PIGL: variants seen among roughly 807,000 people sequenced by gnomAD.
PIGL encodes the protein phosphatidylinositol glycan anchor biosynthesis class L.
A neutral mutation model predicts 31.1 loss-of-function variants in PIGL; 22 were observed. The ratio of observed to expected loss-of-function variants is 0.71; its 90% CI spans 0.51 to 1.01. The LOEUF (loss-of-function observed/expected upper bound fraction) is 1.01, where lower values mean the gene tolerates loss of function less well. Ranked by LOEUF, PIGL falls within the 50% of genes least tolerant of loss-of-function variation. The pLI, the probability that PIGL is intolerant of heterozygous loss-of-function variation, is 0.00. For synonymous variants in PIGL, 131 were observed against 117.4 expected (o/e 1.12, Z -0.75); for missense variants, 302 against 315.9 (o/e 0.96, Z 0.33).
At chr17:16,220,984 C>G (rs1039035948) in intron 1 of PIGL, among the ~76,000 whole-genome samples, 2 of 152,106 alleles carry the variant, frequency 1.3e-5, no homozygotes, top group Non-Finnish European at 2.9e-5. Flanking sequence ...AGCCTTTCCC[C>G]TCTAGACTGC....
chr17:16,293,555 C>G (rs1403658773), intron 2 of PIGL, among the ~76,000 whole-genome samples: 2 of 152,188 alleles, frequency 1.3e-5, no homozygotes, highest in African/African-American at 2.4e-5. Flanking sequence ...TGCAATCTTT[C>G]AAACATCTTG....
In PIGL at chr17:16,239,528, G is replaced by A. The variant is rs779826331; in HGVS notation, c.335+5458G>A. ...AAAAAGAAAAAGAAAAGGCAGTAAA[G>A]TTTAGGTGAGCTGTGAACAAATTAG... On this transcript the variant is annotated intron_variant, in intron 2 of 6. Coordinates refer to ENST00000225609, the MANE Select transcript of PIGL (RefSeq NM_004278.4). Among the ~76,000 whole-genome samples the A allele has an allele frequency of 4.3e-4, 65 of 152,016 alleles. 1 individual carries two copies. Among genetic ancestry groups the A allele is most frequent in the Admixed American group, 1.1e-3 (16 of 15,234 alleles).
chr17:16,262,627 G>A (rs1296415171), intron 2 of PIGL, among the ~76,000 whole-genome samples: 2 of 152,064 alleles, frequency 1.3e-5, no homozygotes, highest in African/African-American at 2.4e-5. Flanking sequence ...ACCAGCCTCA[G>A]CAACATAGTG....
chr17:16,303,098 G>T (rs1424356633), intron 3 of PIGL, among the ~76,000 whole-genome samples: 1 of 152,138 alleles, frequency 6.6e-6, no homozygotes, highest in Non-Finnish European at 1.5e-5. Context: ...CTTGCTTTCA[G>T]AAGAGTCTCC....
At chr17:16,255,345 C>A (rs568592583) in intron 2 of PIGL, among the ~76,000 whole-genome samples, 1 of 152,224 alleles carries the variant, frequency 6.6e-6, no homozygotes, top group South Asian at 2.1e-4. Flanking sequence ...GCTCCATTGT[C>A]CTAAGGTTTC....
At position 16,326,031 on chromosome 17, in the gene PIGL, G is replaced by A. The variant is rs2142885001; in HGVS notation, c.*133G>A. 3 of 650,300 alleles carry A rather than the reference G, an allele frequency of 4.6e-6. No individual in the cohort carries two copies. The East Asian group carries it at 8.1e-5, about 18-fold the overall frequency. 40.3% of individuals were successfully genotyped at this position (650,300 alleles called of 1,614,324 possible). Reference sequence around the variant, plus strand: ...GCTGGAGCAGCCTCTGCAAAAGGGAGCCCATGTAGGCCAGGGGCTGTCCAA... The same window carrying A: ...GCTGGAGCAGCCTCTGCAAAAGGGAACCCATGTAGGCCAGGGGCTGTCCAA... On this transcript the variant is annotated 3_prime_UTR_variant, in exon 7 of 7. Coordinates refer to ENST00000225609, the MANE Select transcript of PIGL (RefSeq NM_004278.4).
intron 2 of PIGL, among the ~76,000 whole-genome samples, chr17:16,273,110 A>G (rs568877418): frequency 6.6e-6 from 1 of 152,320 alleles, no homozygotes; most frequent in African/African-American, 2.4e-5. Context: ...GGAGTACAAA[A>G]TGGCAAGTCA....
intron 2 of PIGL, among the ~76,000 whole-genome samples, chr17:16,242,353 T>C (rs1236945165): frequency 6.6e-6 from 1 of 152,168 alleles, no homozygotes; most frequent in Admixed American, 6.6e-5. Flanking sequence ...CCAGTCTATA[T>C]AGAACTTTTT....
chr17:16,300,218 G>A, intron 3 of PIGL: 1 of 457,692 alleles, frequency 2.2e-6, no homozygotes, highest in South Asian at 3.3e-5. Context: ...TCAGATAGAG[G>A]CAGAAGTTTT....
intron 3 of PIGL, among the ~76,000 whole-genome samples, chr17:16,302,219 T>G (rs1463054908): frequency 6.6e-6 from 1 of 152,132 alleles, no homozygotes; most frequent in Non-Finnish European, 1.5e-5. Flanking sequence ...TTTTCCTGGC[T>G]GGAAAAATGG....
At chr17:16,283,138 G>A in intron 2 of PIGL, among the ~76,000 whole-genome samples, 1 of 152,074 alleles carries the variant, frequency 6.6e-6, no homozygotes, top group Non-Finnish European at 1.5e-5. Context: ...GAGTAGCTGG[G>A]ATTACAGTCA....
At chr17:16,319,223 CAAAAAA>C (rs11379081) in intron 6 of PIGL, among the ~76,000 whole-genome samples, 222 of 82,986 alleles carry the variant, frequency 2.7e-3, no homozygotes, top group African/African-American at 7.3e-3. Context: ...AGACCCTAGC[CAAAAAA>C]AAAAAAAAAA....
chr17:16,273,680 A>G (rs2092881824), intron 2 of PIGL, among the ~76,000 whole-genome samples: 2 of 152,030 alleles, frequency 1.3e-5, no homozygotes, highest in African/African-American at 2.4e-5. Flanking sequence ...TTGATGACCA[A>G]TTGGTTGTCA....
chr17:16,230,594 G>A (rs886830763), intron 1 of PIGL, among the ~76,000 whole-genome samples: 1 of 151,484 alleles, frequency 6.6e-6, no homozygotes, highest in South Asian at 2.1e-4. Flanking sequence ...CTTCTCAGTC[G>A]TAACTAGCAA....
At chr17:16,316,867 C>G (rs181981405) in intron 5 of PIGL, 155 bp downstream of exon 5, 1 of 1,426,358 alleles carries the variant, frequency 7.0e-7, no homozygotes, top group East Asian at 2.5e-5. Context: ...CCTCAAGGTA[C>G]CTGGCAGGTT....
chr17:16,287,066 A>G (rs2092941149), intron 2 of PIGL, among the ~76,000 whole-genome samples: 1 of 152,122 alleles, frequency 6.6e-6, no homozygotes, highest in Admixed American at 6.5e-5. Context: ...CAATGATTTC[A>G]TTCTCTCGGA....
chr17:16,322,999 T>C (rs1164273928), intron 6 of PIGL, among the ~76,000 whole-genome samples: 1 of 152,110 alleles, frequency 6.6e-6, no homozygotes, highest in Non-Finnish European at 1.5e-5. Flanking sequence ...TGGCCATGAG[T>C]TCAGTGCTAA....
At chr17:16,223,787 A>C (rs1443382037) in intron 1 of PIGL, among the ~76,000 whole-genome samples, 1 of 152,010 alleles carries the variant, frequency 6.6e-6, no homozygotes, top group African/African-American at 2.4e-5. Flanking sequence ...GAAAGATTGG[A>C]GTCAGGAAAA....
At chr17:16,297,539 A>G (rs556156903) in intron 2 of PIGL, among the ~76,000 whole-genome samples, 1 of 152,322 alleles carries the variant, frequency 6.6e-6, no homozygotes, top group South Asian at 2.1e-4. Flanking sequence ...CCTCTCAGCC[A>G]GGAGTATGTA....
Sources: allele counts gnomAD v4.1 joint callset (sites outside exome capture counted in the v4.1 genomes callset), GRCh38; gene constraint gnomAD v4.1.1; transcripts MANE v1.5; gene names NCBI Gene and HGNC (gene_info 2026-07-23, HGNC 2026-07-21).